OR2V1: variants seen among roughly 807,000 people sequenced by gnomAD.
OR2V1 encodes the protein olfactory receptor family 2 subfamily V member 1, also known as olfactory receptor 2V1.
In OR2V1, 18 loss-of-function variants were observed where a neutral mutation model predicts 15.0. The ratio of observed to expected loss-of-function variants is 1.20; its 90% CI spans 0.83 to 1.78. The LOEUF (loss-of-function observed/expected upper bound fraction) is 1.78. Ranked by LOEUF, OR2V1 falls within the 40% of genes most tolerant of loss-of-function variation. OR2V1 has a pLI of 0.00. For missense variants in OR2V1, 359 were observed against 392.9 expected (o/e 0.91, Z 0.73); for synonymous variants, 144 against 146.1 (o/e 0.99, Z 0.10).
chr5:181,124,380 A>G lies in OR2V1; in HGVS notation c.925T>C (p.Cys309Arg). Residue 309 changes from cysteine (C) to arginine (R), a missense_variant, in exon 4 of 4, where the codon TGC (cysteine) becomes CGC (arginine). Transcript: ENST00000641551. ...MGALRKGLDR[C>R]RIGSQH The stretch of plus-strand genomic sequence containing the variant: ...GTTCAGTGCTGGCTGCCAATCCTGC[A>G]GCGGTCCAGCCCCTTCCTCAGTGCC... The G allele has an allele frequency of 6.3e-7, 1 of 1,590,670 alleles. No individual in the cohort carries two copies. The highest frequency in any genetic ancestry group is 1.7e-4 in the Middle Eastern group (1 of 5,896).
chr5:181,129,247 T>C (rs1472818073), intron 3 of OR2V1, among the ~76,000 whole-genome samples: 1 of 151,864 alleles, frequency 6.6e-6, no homozygotes, highest in Non-Finnish European at 1.5e-5. Flanking sequence ...AAAAATAAAA[T>C]AAAACATTAC....
At chr5:181,128,322 G>A (rs1762909382) in intron 3 of OR2V1, among the ~76,000 whole-genome samples, 1 of 152,074 alleles carries the variant, frequency 6.6e-6, no homozygotes, top group African/African-American at 2.4e-5. Flanking sequence ...CACCTCTAGA[G>A]TGTCCCTGGA....
intron 3 of OR2V1, among the ~76,000 whole-genome samples, chr5:181,128,211 C>G (rs11960557): frequency 1.1e-3 from 34 of 29,756 alleles, no homozygotes; most frequent in Middle Eastern, 0.056. Flanking sequence ...CACACACACA[C>G]ACACACACAC....
At chr5:181,127,048 C>G (rs1043880125) in intron 3 of OR2V1, among the ~76,000 whole-genome samples, 10 of 152,220 alleles carry the variant, frequency 6.6e-5, no homozygotes, top group African/African-American at 2.4e-4. Flanking sequence ...GATGAAAACG[C>G]TGAATGTCTC....
chr5:181,126,420 C>CCACACACACACACA (rs10532191), intron 3 of OR2V1, among the ~76,000 whole-genome samples: 1 of 140,916 alleles, frequency 7.1e-6, no homozygotes, highest in African/African-American at 2.6e-5. Context: ...ACATCACACA[C>CCACACACACACACA]CACACACACA....
At position 181,124,457 on chromosome 5, in the gene OR2V1, G is replaced by C. The variant is rs1470405023; in HGVS notation, c.848C>G (p.Thr283Ser). ...GTAAATGAGGGGGTTCAGCATGGGA[G>C]TAAGGACTGTGTAGAAGATAGAGGC... ...KVASIFYTVL[T>S]PMLNPLIYSL... Residue 283 changes from threonine (T) to serine (S), a missense_variant, in exon 4 of 4, where the codon ACT becomes AGT. Thr to Ser is a moderately conservative substitution (Grantham distance 58, BLOSUM62 1). Transcript: ENST00000641551. 1 of 1,614,000 alleles carries C rather than the reference G, an allele frequency of 6.2e-7. No homozygotes were observed. The highest frequency in any genetic ancestry group is 1.1e-5 in the South Asian group (1 of 91,058).
intron 3 of OR2V1, among the ~76,000 whole-genome samples, chr5:181,126,906 G>A (rs991284717): frequency 3.9e-5 from 6 of 152,146 alleles, no homozygotes; most frequent in Non-Finnish European, 8.8e-5. Flanking sequence ...GGGTCTCCTG[G>A]GCCTGGTGCC....
chr5:181,124,929 C>T lies in OR2V1; in HGVS notation c.376G>A (p.Ala126Thr), dbSNP rs745850744. The change falls in exon 4 of 4, where the codon GCC (alanine) becomes ACC (threonine). Residue 126 changes from alanine (A) to threonine (T), a missense_variant. Ala to Thr is a moderately conservative substitution (Grantham distance 58). Coordinates refer to ENST00000641551, the MANE Select transcript of OR2V1 (RefSeq NM_001258283.2). ...LGLMAYDRYV[A>T]VSHPLHYPIL... is the part of the protein sequence containing the mutation. ...GGATAGTGAAGTGGGTGGCTAACGG[C>T]CACGTAGCGGTCATAAGCCATGAGT... 5.6e-6 allele frequency: 9 copies of T among 1,614,082 alleles called. No individual in the cohort carries two copies. Among genetic ancestry groups the T allele is most frequent in the Non-Finnish European group, 7.6e-6 (9 of 1,179,994 alleles).
Position 181,124,228 on chromosome 5 carries a change from G to T in OR2V1, c.*129C>A. 1.2e-6 allele frequency: 1 copy of T among 836,770 alleles called. No homozygotes were observed. The allele number at this position is 836,770 out of a possible 1,614,324, so 51.8% of individuals were successfully genotyped here. A position where few individuals can be genotyped will look rare whatever the true frequency, so the allele number is the denominator to read the frequency against. ...AAATGTTCATAATGGCTTTTCTCAT[G>T]ATGGCCAAAACCTATAAACCATCCA... On this transcript the variant is annotated 3_prime_UTR_variant, in exon 4 of 4. Coordinates refer to ENST00000641551, the MANE Select transcript of OR2V1 (RefSeq NM_001258283.2).
At chr5:181,128,192 TCACACA>T (rs34343246) in intron 3 of OR2V1, among the ~76,000 whole-genome samples, 16 of 41,420 alleles carry the variant, frequency 3.9e-4, no homozygotes, top group South Asian at 1.6e-3. Flanking sequence ...TGTCCTCTCC[TCACACA>T]CACACACACA....
chr5:181,126,458 A>G (rs1942874104), intron 3 of OR2V1, among the ~76,000 whole-genome samples: 1 of 143,238 alleles, frequency 7.0e-6, no homozygotes, highest in Non-Finnish European at 1.6e-5. Context: ...ACACACACAC[A>G]GAGACACACA....
Position 181,124,268 on chromosome 5 carries a change from G to A in OR2V1, c.*89C>T. 1.6e-6 allele frequency: 2 copies of A among 1,245,218 alleles called. No homozygotes were observed. The highest frequency in any genetic ancestry group is 1.9e-5 in the South Asian group (1 of 53,750). The allele number at this position is 1,245,218 out of a possible 1,614,324, so 77.1% of individuals were successfully genotyped here. On this transcript the variant is annotated 3_prime_UTR_variant, in exon 4 of 4. Transcript: ENST00000641551. ...TAAACCATCCAATGACCATCAACAGGTGAATGGAAACAGACACTCACAAAG... is the reference window on the plus strand; with the variant it reads ...TAAACCATCCAATGACCATCAACAGATGAATGGAAACAGACACTCACAAAG...
chr5:181,127,764 T>G (rs556155886), intron 3 of OR2V1, among the ~76,000 whole-genome samples: 2 of 151,916 alleles, frequency 1.3e-5, no homozygotes, highest in African/African-American at 4.8e-5. Context: ...AAGCACCATC[T>G]CAGCCACACC....
intron 3 of OR2V1, among the ~76,000 whole-genome samples, chr5:181,127,635 G>C (rs572197978): frequency 6.6e-6 from 1 of 152,256 alleles, no homozygotes; most frequent in African/African-American, 2.4e-5. Context: ...TGTGGCCCTA[G>C]GTCAGGGAGC....
In OR2V1 at chr5:181,130,393, G is replaced by C. The variant is rs1330116200; in HGVS notation, c.-120-178C>G. ...TCCAGTGGCCCCTCAGGCTCAGAGA[G>C]CAAGGCTCACACAGACCACAGCCTC... On this transcript the variant is annotated intron_variant, in intron 1 of 3. Transcript: ENST00000641551. The C allele has an allele frequency of 3.4e-4, 134 of 395,614 alleles. No individual in the cohort carries two copies. The East Asian group carries it at 4.8e-3, about 14-fold the overall frequency. The allele number at this position is 395,614 out of a possible 1,614,324, so 24.5% of individuals were successfully genotyped here.
intron 3 of OR2V1, among the ~76,000 whole-genome samples, chr5:181,127,722 T>A (rs1021200513): frequency 6.6e-6 from 1 of 151,964 alleles, no homozygotes; most frequent in Non-Finnish European, 1.5e-5. Flanking sequence ...TGGAGGGGAT[T>A]TCTACAGGAG....
Position 181,124,989 on chromosome 5 carries a change from C to T in OR2V1, c.316G>A (p.Val106Ile). 3.7e-6 allele frequency: 6 copies of T among 1,614,064 alleles called. No individual in the cohort carries two copies. The highest frequency in any genetic ancestry group is 5.1e-6 in the Non-Finnish European group (6 of 1,180,018). The change falls in exon 4 of 4, where the codon GTC becomes ATC. Residue 106 changes from valine to isoleucine, a missense_variant. Coordinates refer to ENST00000641551, the MANE Select transcript of OR2V1 (RefSeq NM_001258283.2). ...AGCCCCTCAGATCCCACAAGAGAGA[C>T]AAAAAAGCCAATTTGTATGCCACAG... ...VGCGIQIGFF[V>I]SLVGSEGLLL...
At chr5:181,125,457 T>A (rs1191140417) in intron 3 of OR2V1, 132 bp from the exon 4 acceptor site, 3 of 658,222 alleles carry the variant, frequency 4.6e-6, no homozygotes, top group Non-Finnish European at 7.7e-6. Context: ...TGACAGGACC[T>A]CTGCCAGCTC....
At chr5:181,126,455 CACAG>C (rs1417118684) in intron 3 of OR2V1, among the ~76,000 whole-genome samples, 2 of 147,708 alleles carry the variant, frequency 1.4e-5, no homozygotes, top group African/African-American at 2.5e-5. Flanking sequence ...CACACACACA[CACAG>C]AGACACACAG....
Sources: allele counts gnomAD v4.1 joint callset (sites outside exome capture counted in the v4.1 genomes callset), GRCh38; gene constraint gnomAD v4.1.1; transcripts MANE v1.5; gene names NCBI Gene and HGNC (gene_info 2026-07-23, HGNC 2026-07-21).